SETD3: variants seen among roughly 807,000 people sequenced by gnomAD.
The protein encoded by SETD3 is actin-histidine N-methyltransferase.
In SETD3, 19 loss-of-function variants were observed where a neutral mutation model predicts 63.0. The ratio of observed to expected loss-of-function variants is 0.30; its 90% confidence interval spans 0.21 to 0.44. The LOEUF is 0.44. Ranked by LOEUF, SETD3 falls within the 20% of genes least tolerant of loss-of-function variation. The pLI, the probability that SETD3 is intolerant of heterozygous loss-of-function variation, is 1.00. For synonymous variants in SETD3, 286 were observed against 264.1 expected (o/e 1.08, Z -0.80); for missense variants, 587 against 728.5 (o/e 0.81, Z 2.24).
At chr14:99,457,371 G>A (rs1881555909) in intron 6 of SETD3, among the ~76,000 whole-genome samples, 1 of 152,206 alleles carries the variant, frequency 6.6e-6, no homozygotes, top group African/African-American at 2.4e-5. Flanking sequence ...ACATTCTTGT[G>A]TAGTAAGCAT....
At chr14:99,449,077 T>C (rs1435305383) in intron 6 of SETD3, among the ~76,000 whole-genome samples, 1 of 152,148 alleles carries the variant, frequency 6.6e-6, no homozygotes, top group Non-Finnish European at 1.5e-5. Context: ...AAAATAAATA[T>C]CCATGAGTCC....
upstream of SETD3, among the ~76,000 whole-genome samples, chr14:99,482,296 A>G (rs1392384380): frequency 1.3e-5 from 2 of 152,276 alleles, no homozygotes; most frequent in African/African-American, 4.8e-5. Context: ...CGCTGTTTAC[A>G]GATACCTAGC....
rs1232130842 is a variant in SETD3, at chr14:99,413,181, TA to T, written c.735-117del. ...CTTACAAACGTACAAAGTCTTTTCC[TA>T]AGTAACAAAGGTAATGTTTGGCCTT... On this transcript the variant is annotated intron_variant, in intron 7 of 12. Coordinates refer to ENST00000331768, the MANE Select transcript of SETD3 (RefSeq NM_032233.3). The T allele has an allele frequency of 4.8e-6, 3 of 631,536 alleles. No homozygotes were observed. The East Asian group carries it at 8.3e-5, about 18-fold the overall frequency. The allele number at this position is 631,536 out of a possible 1,614,324, so 39.1% of individuals were successfully genotyped here. A position where few individuals can be genotyped will look rare whatever the true frequency, so the allele number is the denominator to read the frequency against.
intron 1 of SETD3, among the ~76,000 whole-genome samples, chr14:99,475,523 A>G (rs1895929105): frequency 6.6e-6 from 1 of 152,250 alleles, no homozygotes; most frequent in Non-Finnish European, 1.5e-5. Flanking sequence ...ACGATATTGC[A>G]GAGAAGTTCA....
intron 6 of SETD3, among the ~76,000 whole-genome samples, chr14:99,447,306 G>C (rs1386050797): frequency 6.6e-6 from 1 of 152,140 alleles, no homozygotes; most frequent in Middle Eastern, 3.2e-3. Flanking sequence ...AAAGCCACTG[G>C]AACTAAAGCT....
At chr14:99,439,681 T>C (rs1893685048) in intron 6 of SETD3, among the ~76,000 whole-genome samples, 1 of 147,812 alleles carries the variant, frequency 6.8e-6, no homozygotes. Context: ...TACATATTTA[T>C]ATATTTATAT....
chr14:99,417,953 C>CA (rs1363503231), intron 6 of SETD3, among the ~76,000 whole-genome samples: 1 of 152,112 alleles, frequency 6.6e-6, no homozygotes, highest in African/African-American at 2.4e-5. Context: ...AAACATTTCC[C>CA]AAAATCAGAT....
chr14:99,410,952 A>G (rs1200987688), intron 8 of SETD3, among the ~76,000 whole-genome samples: 1 of 152,246 alleles, frequency 6.6e-6, no homozygotes, highest in African/African-American at 2.4e-5. Flanking sequence ...ACACACACAA[A>G]AAAGAAAATC....
At chr14:99,444,406 T>C (rs1162488710) in intron 6 of SETD3, 4 of 152,204 alleles carry the variant, frequency 2.6e-5, no homozygotes, top group Admixed American at 1.3e-4. Flanking sequence ...AAGACTTCCA[T>C]ATTTTTGTCC....
intron 1 of SETD3, among the ~76,000 whole-genome samples, chr14:99,479,142 T>C (rs1260792946): frequency 1.3e-5 from 2 of 152,202 alleles, no homozygotes; most frequent in East Asian, 1.9e-4. Flanking sequence ...ACCATTTTAC[T>C]CCTTCAGACT....
chr14:99,418,572 G>A (rs1490739283), intron 6 of SETD3, among the ~76,000 whole-genome samples: 1 of 152,128 alleles, frequency 6.6e-6, no homozygotes, highest in Non-Finnish European at 1.5e-5. Flanking sequence ...TCCTGGGCAG[G>A]ACAGCCTGTG....
intron 6 of SETD3, among the ~76,000 whole-genome samples, chr14:99,416,054 A>C (rs1188487467): frequency 6.6e-6 from 1 of 152,204 alleles, no homozygotes; most frequent in Non-Finnish European, 1.5e-5. Context: ...TGCTGTCTCT[A>C]AAAACTATTA....
intron 1 of SETD3, among the ~76,000 whole-genome samples, chr14:99,479,896 A>G (rs1896176291): frequency 6.6e-6 from 1 of 152,230 alleles, no homozygotes. Context: ...CCGGCCGGGC[A>G]GGGGTGAGCC....
intron 5 of SETD3, among the ~76,000 whole-genome samples, chr14:99,458,845 G>C (rs1894912956): frequency 6.6e-6 from 1 of 151,666 alleles, no homozygotes; most frequent in African/African-American, 2.4e-5. Context: ...TTTGAGCCTG[G>C]GAGATCAAGG....
At chr14:99,438,462 T>C (rs541657061) in intron 6 of SETD3, among the ~76,000 whole-genome samples, 1 of 152,364 alleles carries the variant, frequency 6.6e-6, no homozygotes, top group African/African-American at 2.4e-5. Context: ...GAATTTAGCA[T>C]TGAAGATTTC....
chr14:99,466,693 G>A lies in SETD3; in HGVS notation c.-8-880C>T, dbSNP rs547017181. Among the ~76,000 whole-genome samples the A allele has an allele frequency of 1.1e-4, 17 of 152,144 alleles. No homozygotes were observed. The East Asian group carries it at 1.5e-3, about 14-fold the overall frequency. On this transcript the variant is annotated intron_variant, in intron 1 of 12. Transcript: ENST00000331768. The stretch of plus-strand genomic sequence containing the variant: ...GGAAGCACAGTGAGGAAGGGAACCC[G>A]GCTGGAGAGGGGGTCTCTAGGGAAG...
chr14:99,430,480 G>A (rs774107146), intron 6 of SETD3, among the ~76,000 whole-genome samples: 1 of 152,124 alleles, frequency 6.6e-6, no homozygotes, highest in Non-Finnish European at 1.5e-5. Flanking sequence ...AAAGTCAAAG[G>A]TTTCTGACAC....
chr14:99,435,521 A>G (rs1893429932), intron 6 of SETD3, among the ~76,000 whole-genome samples: 1 of 152,194 alleles, frequency 6.6e-6, no homozygotes, highest in Non-Finnish European at 1.5e-5. Context: ...ACAGTTACTC[A>G]ATAGTTTACA....
chr14:99,442,933 C>T (rs1893911770), intron 6 of SETD3, among the ~76,000 whole-genome samples: 1 of 152,060 alleles, frequency 6.6e-6, no homozygotes, highest in Non-Finnish European at 1.5e-5. Flanking sequence ...GAACAGTGGC[C>T]CAAAGAACGA....
Sources: gnomAD v4.1 joint callset for allele counts (sites outside exome capture counted in the v4.1 genomes callset) on GRCh38, gnomAD v4.1.1 for gene constraint, MANE v1.5 for transcripts, NCBI Gene and HGNC (gene_info 2026-07-23, HGNC 2026-07-21) for gene names.